ABHD4: variants seen among roughly 807,000 people sequenced by gnomAD.
ABHD4 encodes abhydrolase domain containing 4, N-acyl phospholipase B.
A neutral mutation model predicts 42.3 loss-of-function variants in ABHD4; 35 were observed. The observed-to-expected ratio is 0.83, with a 90% CI of 0.63 to 1.10. The LOEUF (loss-of-function observed/expected upper bound fraction) is 1.10, where lower values mean the gene tolerates loss of function less well. ABHD4 is among the 50% of genes least tolerant of loss of function. The probability of loss-of-function intolerance (pLI) is 0.00; values close to 1 mark genes in which losing one functional copy is unlikely to be tolerated. For synonymous variants in ABHD4, 169 were observed against 170.6 expected, an observed-to-expected ratio of 0.99 and a Z score of 0.07; for missense variants, 389 against 454.8, an observed-to-expected ratio of 0.86 and a Z score of 1.32.
In ABHD4 at chr14:22,611,054, C is replaced by T; in HGVS notation, c.*106C>T. On this transcript the variant is annotated 3_prime_UTR_variant, in exon 7 of 7. Transcript: ENST00000428304. Reference sequence around the variant, plus strand: ...TCCTCACCAACTAACATGTGCCAGCCAGGCAGAGTCTTGTGCTGTTCCCAG... The same window carrying T: ...TCCTCACCAACTAACATGTGCCAGCTAGGCAGAGTCTTGTGCTGTTCCCAG... The T allele has an allele frequency of 1.0e-6, 1 of 957,698 alleles. No individual in the cohort carries two copies. Among genetic ancestry groups the T allele is most frequent in the Non-Finnish European group, 1.6e-6 (1 of 612,800 alleles). The allele number at this position is 957,698 out of a possible 1,614,324, so 59.3% of individuals were successfully genotyped here.
At chr14:22,606,255 C>T (rs978688195) in intron 4 of ABHD4, among the ~76,000 whole-genome samples, 167 bp from the exon 5 acceptor site, 4 of 152,124 alleles carry the variant, frequency 2.6e-5, no homozygotes, top group Non-Finnish European at 4.4e-5. Flanking sequence ...TGGACCTTCC[C>T]AGTAGATTCC....
intron 5 of ABHD4, 55 bp downstream of exon 5, chr14:22,606,588 T>G (rs548171808): frequency 3.3e-4 from 410 of 1,236,708 alleles, no homozygotes; most frequent in Non-Finnish European, 4.2e-4. Context: ...GAGATAAAAC[T>G]CTTAGCTGCT....
rs369436775 is a variant in ABHD4 at position 22,598,357 on chromosome 14, T to TTC, written c.23+42_23+43dup. The TTC allele has an allele frequency of 6.0e-4, 909 of 1,505,340 alleles. 1 individual carries two copies. In the African/African-American group the frequency reaches 0.011, roughly 18 times the overall value. 93.2% of individuals were successfully genotyped at this position (1,505,340 alleles called of 1,614,324 possible). A position where few individuals can be genotyped will look rare whatever the true frequency, so the allele number is the denominator to read the frequency against. ...GAGTTAATCCTGTCCCTTTCTCTCTTTCTCTCTCTCTCTCTGGGCCATGAT... is the reference window on the plus strand; with the variant it reads ...GAGTTAATCCTGTCCCTTTCTCTCTTTCTCTCTCTCTCTCTCTGGGCCATGAT... On this transcript the variant is annotated intron_variant, in intron 1 of 6. Transcript: ENST00000428304.
chr14:22,603,006 C>A (rs1221585941), intron 2 of ABHD4, among the ~76,000 whole-genome samples: 1 of 152,046 alleles, frequency 6.6e-6, no homozygotes, highest in Non-Finnish European at 1.5e-5. Context: ...TCTTTTCAAA[C>A]CAGTTTAACA....
At position 22,611,152 on chromosome 14, in the gene ABHD4, G is replaced by C. The variant is rs2037411265; in HGVS notation, c.*204G>C. Reference sequence around the variant, plus strand: ...GAAGGCAGAAGCCACAAGAGGCCTTGAGTGCCACCCCCAGGGAAGAACATA... The same window carrying C: ...GAAGGCAGAAGCCACAAGAGGCCTTCAGTGCCACCCCCAGGGAAGAACATA... On this transcript the variant is annotated 3_prime_UTR_variant, in exon 7 of 7. Transcript: ENST00000428304. The C allele has an allele frequency of 8.7e-6, 5 of 575,516 alleles. No homozygotes were observed. The highest frequency in any genetic ancestry group is 4.1e-5 in the South Asian group (2 of 48,876). The allele number at this position is 575,516 out of a possible 1,614,324, so 35.7% of individuals were successfully genotyped here.
At chr14:22,600,240 T>G in intron 1 of ABHD4, 1 of 454,104 alleles carries the variant, frequency 2.2e-6, no homozygotes, top group South Asian at 1.6e-5. Context: ...AGAGTTTAGA[T>G]CACACCTCCC....
At position 22,603,512 on chromosome 14, in the gene ABHD4, G is replaced by A. The variant is rs957602853; in HGVS notation, c.235G>A (p.Gly79Ser). 1.2e-6 allele frequency: 2 copies of A among 1,613,988 alleles called. No individual in the cohort carries two copies. Among genetic ancestry groups the A allele is most frequent in the Non-Finnish European group, 1.7e-6 (2 of 1,180,022 alleles). Residue 79 changes from glycine (G) to serine (S), a missense_variant, in exon 3 of 7, where the codon GGC (glycine) becomes AGC (serine). Around this residue, in one of 3 missense-constraint regions of ABHD4, gnomAD observed 102 missense variants for 128.3 expected, o/e 0.80. Transcript: ENST00000428304. Reference sequence around the variant, plus strand: ...CTTGGTGATGGTGCATGGTTTTGGGGGCGGCGTGGGTCTCTGGATCCTCAA... The same window carrying A: ...CTTGGTGATGGTGCATGGTTTTGGGAGCGGCGTGGGTCTCTGGATCCTCAA... Reference protein sequence around the residue: ...TPLVMVHGFGGGVGLWILNMD... With the variant: ...TPLVMVHGFGSGVGLWILNMD...
intron 2 of ABHD4, 77 bp downstream of exon 2, chr14:22,601,832 C>T: frequency 1.5e-6 from 2 of 1,292,324 alleles, no homozygotes; most frequent in South Asian, 2.4e-5. Flanking sequence ...GAGCCTGCTA[C>T]ATTGAGCCCA....
intron 6 of ABHD4, among the ~76,000 whole-genome samples, chr14:22,610,437 C>G (rs948678463): frequency 6.6e-6 from 1 of 152,190 alleles, no homozygotes; most frequent in Non-Finnish European, 1.5e-5. Flanking sequence ...CATGTAGTTT[C>G]TACCCCAAAA....
chr14:22,598,427 G>C, intron 1 of ABHD4, 98 bp downstream of exon 1: 2 of 1,546,812 alleles, frequency 1.3e-6, no homozygotes, highest in Middle Eastern at 1.7e-4. Flanking sequence ...ACACCTTCCC[G>C]CTCTTCCTTT....
At chr14:22,606,159 G>A (rs2037346578) in intron 4 of ABHD4, among the ~76,000 whole-genome samples, 1 of 152,162 alleles carries the variant, frequency 6.6e-6, no homozygotes, top group Non-Finnish European at 1.5e-5. Context: ...GGGCTTCATT[G>A]AGCTGAAAAC....
chr14:22,610,673 T>C (rs1017562897), intron 6 of ABHD4, among the ~76,000 whole-genome samples, 186 bp from the exon 7 acceptor site: 5 of 152,048 alleles, frequency 3.3e-5, no homozygotes, highest in Non-Finnish European at 7.4e-5. Context: ...ATCAAGTAAG[T>C]AGAATGGGAA....
At chr14:22,598,704 GC>G (rs1457554482) in intron 1 of ABHD4, 2 of 395,020 alleles carry the variant, frequency 5.1e-6, no homozygotes, top group East Asian at 6.2e-5. Context: ...GTCTCGACTT[GC>G]CCCCCAGAAC....
rs146234194 is a variant in ABHD4 at position 22,603,467 on chromosome 14, G to T, written c.190G>T (p.Glu64Ter). The T allele has an allele frequency of 6.2e-7, 1 of 1,614,074 alleles. No homozygotes were observed. The highest frequency in any genetic ancestry group is 8.5e-7 in the Non-Finnish European group (1 of 1,180,006). ...GATCTGGACGGTGACTGTGAGCCCC[G>T]AGCAAAACGACCGCACCCCCTTGGT... ...NKIWTVTVSP[E>*]QNDRTPLVMV... Residue 64 changes from glutamate (E) to a stop codon, truncating the protein, a stop_gained, in exon 3 of 7, where the codon GAG (glutamate) becomes TAG (stop). Coordinates refer to ENST00000428304, the MANE Select transcript of ABHD4 (RefSeq NM_022060.3). LOFTEE classifies it high-confidence loss of function.
At chr14:22,600,340 G>T in intron 1 of ABHD4, 1 of 367,618 alleles carries the variant, frequency 2.7e-6, no homozygotes, top group Non-Finnish European at 5.5e-6. Flanking sequence ...AAGGTTCAGG[G>T]AGAGAAACCT....
rs5807182 is a variant in ABHD4, at chr14:22,599,883, AC to A, written c.23+1555del. 4.6e-3 allele frequency among the ~76,000 whole-genome samples: 703 copies of A among 152,336 alleles called. 6 individuals carry two copies. The highest frequency in any genetic ancestry group is 0.02 in the Middle Eastern group (6 of 294). On this transcript the variant is annotated intron_variant, in intron 1 of 6. Coordinates refer to ENST00000428304, the MANE Select transcript of ABHD4 (RefSeq NM_022060.3). ...CCTAGGATTAGATCGATTGATATTG[AC>A]AACTCTCATCTGGCTAAAACCATTG...
At position 22,603,743 on chromosome 14, in the gene ABHD4, T is replaced by G. The variant is rs1299753363; in HGVS notation, c.466T>G (p.Ser156Ala). 3.8e-6 allele frequency: 6 copies of G among 1,585,084 alleles called. No homozygotes were observed. The highest frequency in any genetic ancestry group is 3.4e-5 in the Admixed American group (2 of 58,094). ...GGGAGGATTCCTGGCCACTTCTTAC[T>G]CAATCAAGTACCCTGATAGGTAATA... Reference protein sequence around the residue: ...SLGGFLATSYSIKYPDRVKHL... With the variant: ...SLGGFLATSYAIKYPDRVKHL... Residue 156 changes from serine (S) to alanine (A), a missense_variant, in exon 3 of 7, where the codon TCA (serine) becomes GCA (alanine). This residue lies in a region of ABHD4 where 249 missense variants were observed against 254.4 expected (regional missense o/e 0.98). Transcript: ENST00000428304.
In ABHD4 at chr14:22,603,763, G is replaced by A. The variant is rs776810476; in HGVS notation, c.485+1G>A. 1.9e-6 allele frequency: 3 copies of A among 1,570,030 alleles called. No individual in the cohort carries two copies. The highest frequency in any genetic ancestry group is 2.6e-6 in the Non-Finnish European group (3 of 1,155,710). The stretch of plus-strand genomic sequence containing the variant: ...CTTACTCAATCAAGTACCCTGATAG[G>A]TAATAAGGAGATGGCTCCATCCCTC... On this transcript the variant is annotated splice_donor_variant, in intron 3 of 6. Transcript: ENST00000428304. LOFTEE classifies it high-confidence loss of function.
In ABHD4 at chr14:22,607,429, C is replaced by G. The variant is rs144125113; in HGVS notation, c.752+896C>G. On this transcript the variant is annotated intron_variant, in intron 5 of 6. Coordinates refer to ENST00000428304, the MANE Select transcript of ABHD4 (RefSeq NM_022060.3). ...TGCCCTACTCCTTTCTAGGGCTGTC[C>G]AAGTCACTTGTTGGGAGCCCAAAGC... is the stretch of plus-strand genomic sequence containing the variant. Among the ~76,000 whole-genome samples, 27 of 152,274 alleles carry G rather than the reference C, an allele frequency of 1.8e-4. No individual in the cohort carries two copies. In the East Asian group the frequency reaches 4.6e-3, roughly 26 times the overall value.
Sources: allele counts gnomAD v4.1 joint callset (sites outside exome capture counted in the v4.1 genomes callset), GRCh38; gene constraint gnomAD v4.1.1; regional missense constraint gnomAD v4.1.1; transcripts MANE v1.5; gene names NCBI Gene and HGNC (gene_info 2026-07-23, HGNC 2026-07-21).